Variants in ZNF692 observed in about 807,000 individuals in gnomAD.
ZNF692 encodes the protein zinc finger protein 692.
ZNF692 carries 41 observed loss-of-function variants against 49.0 expected under a neutral mutation model. That is an observed-to-expected ratio of 0.84 (90% CI 0.65 to 1.08). ZNF692 has a LOEUF of 1.08. ZNF692 is among the 50% of genes least tolerant of loss of function. ZNF692 has a pLI of 0.00. For synonymous variants in ZNF692, 288 were observed against 251.5 expected (o/e 1.15, Z -1.37); for missense variants, 662 against 662.2 (o/e 1.00, Z 0.00).
chr1:248,858,244 C>G lies in ZNF692; in HGVS notation c.66G>C (p.Ala22=). The part of the protein sequence containing the change: ...RRREKRRQLD[A]RRSKCRIRLG... ...GGCGGATGCGGCACTTGCTGCGGCG[C>G]GCGTCCAGCTGCCGCCGCTTCTCCC... is the stretch of plus-strand genomic sequence containing the variant. The change falls in exon 2 of 12, where the codon GCG becomes GCC. Residue 22 remains alanine, a synonymous_variant. Transcript: ENST00000306601. This position sits in a 1 kb window ranked among gnomAD's most constrained non-coding sequence, Gnocchi z 4.3. 6.3e-7 allele frequency: 1 copy of G among 1,586,392 alleles called. No homozygotes were observed. Among genetic ancestry groups the G allele is most frequent in the South Asian group, 1.1e-5 (1 of 89,288 alleles).
rs1477308053 is a variant in ZNF692 at position 248,856,005 on chromosome 1, G to T, written c.660-59C>A. The T allele has an allele frequency of 2.6e-6, 4 of 1,539,152 alleles. No homozygotes were observed. The East Asian group carries it at 9.3e-5, about 36-fold the overall frequency. The stretch of plus-strand genomic sequence containing the variant: ...CTTTCTGGGCAGTCAGCCATCCCCT[G>T]CCCGACCCTAGCCCCTAAACTGAAA... On this transcript the variant is annotated intron_variant, in intron 6 of 11. Coordinates refer to ENST00000306601, the MANE Select transcript of ZNF692 (RefSeq NM_017865.4).
chr1:248,853,597 A>G (rs1320913908), intron 10 of ZNF692, among the ~76,000 whole-genome samples: 1 of 152,112 alleles, frequency 6.6e-6, no homozygotes, highest in Non-Finnish European at 1.5e-5. Flanking sequence ...CTCTTTCTAC[A>G]ATAGCAACTC....
intron 2 of ZNF692, 47 bp from the exon 3 acceptor site, chr1:248,857,906 C>G (rs1159837307): frequency 1.9e-6 from 3 of 1,608,438 alleles, no homozygotes; most frequent in Non-Finnish European, 2.5e-6. Flanking sequence ...GGCCAGCCAC[C>G]CTCAGCCCTG....
rs189959177 is a variant in ZNF692 at position 248,856,017 on chromosome 1, C to G, written c.660-71G>C. The G allele has an allele frequency of 1.6e-4, 234 of 1,483,050 alleles. No homozygotes were observed. In the Middle Eastern group the frequency reaches 1.9e-3, roughly 12 times the overall value. 91.9% of individuals were successfully genotyped at this position (1,483,050 alleles called of 1,614,324 possible). ...TCAGCCATCCCCTGCCCGACCCTAG[C>G]CCCTAAACTGAAAAGATCTCAAACT... is the stretch of plus-strand genomic sequence containing the variant. On this transcript the variant is annotated intron_variant, in intron 6 of 11. Transcript: ENST00000306601.
Position 248,858,179 on chromosome 1 carries a change from C to G in ZNF692, c.131G>C (p.Arg44Pro). The G allele has an allele frequency of 6.3e-7, 1 of 1,578,086 alleles. No homozygotes were observed. Among genetic ancestry groups the G allele is most frequent in the South Asian group, 1.1e-5 (1 of 90,246 alleles). The change falls in exon 2 of 12, where the codon CGG becomes CCG. Residue 44 changes from arginine to proline, a missense_variant. Transcript: ENST00000306601. The surrounding 1 kb of genome is among the most constrained non-coding windows in gnomAD (Gnocchi z 4.3). ...HMEQWCLLKE[R>P]LGFSLHSQLA... is the part of the protein sequence containing the mutation. Reference sequence around the variant, plus strand: ...CTGCGAGTGCAGGGAGAAGCCCAGCCGCTCCTTGAGGAGGCACCACTGCTC... The same window carrying G: ...CTGCGAGTGCAGGGAGAAGCCCAGCGGCTCCTTGAGGAGGCACCACTGCTC...
rs748345424 is a variant in ZNF692 at position 248,858,153 on chromosome 1, G to A, written c.157C>T (p.Leu53Phe). Residue 53 changes from leucine (L) to phenylalanine (F), a missense_variant, in exon 2 of 12, where the codon CTC becomes TTC. Leu to Phe is a conservative substitution (Grantham distance 22, BLOSUM62 0). Coordinates refer to ENST00000306601, the MANE Select transcript of ZNF692 (RefSeq NM_017865.4). This position sits in a 1 kb window ranked among gnomAD's most constrained non-coding sequence, Gnocchi z 4.3. The part of the protein sequence containing the change: ...ERLGFSLHSQ[L>F]AKFLLDRYTS... ...AACCGGTCCAACAGGAACTTGGCGA[G>A]CTGCGAGTGCAGGGAGAAGCCCAGC... is the stretch of plus-strand genomic sequence containing the variant. The A allele has an allele frequency of 1.9e-6, 3 of 1,568,980 alleles. No homozygotes were observed. The East Asian group carries it at 6.8e-5, about 35-fold the overall frequency.
rs144605555 is a variant in ZNF692, at chr1:248,855,839, G to A, written c.767C>T (p.Pro256Leu). 147 of 1,614,088 alleles carry A rather than the reference G, an allele frequency of 9.1e-5. 1 individual carries two copies. Among genetic ancestry groups the A allele is most frequent in the African/African-American group, 7.9e-4 (59 of 74,930 alleles). ...ACTCAATGAGGATGCTGACAAGGCC[G>A]GCACAGCAAGAGGACTGGAGAGTGC... ...PAALSSPLAV[P>L]ALSASSLSSR... is the part of the protein sequence containing the mutation. Residue 256 changes from proline (P) to leucine (L), a missense_variant, in exon 7 of 12, where the codon CCG (proline) becomes CTG (leucine). Physicochemically the swap from Pro to Leu is moderately conservative, Grantham distance 98 (BLOSUM62 -3). Coordinates refer to ENST00000306601, the MANE Select transcript of ZNF692 (RefSeq NM_017865.4).
chr1:248,853,177 C>T (rs1236436995), intron 10 of ZNF692, among the ~76,000 whole-genome samples: 2 of 152,170 alleles, frequency 1.3e-5, no homozygotes, highest in African/African-American at 4.8e-5. Flanking sequence ...CACACACTGG[C>T]CTCCATCCAT....
Position 248,850,100 on chromosome 1 carries a change from C to T in ZNF692, c.*110G>A. The T allele has an allele frequency of 2.3e-6, 3 of 1,286,786 alleles. No homozygotes were observed. The highest frequency in any genetic ancestry group is 3.2e-6 in the Non-Finnish European group (3 of 949,934). 79.7% of individuals were successfully genotyped at this position (1,286,786 alleles called of 1,614,324 possible). On this transcript the variant is annotated 3_prime_UTR_variant, in exon 12 of 12. Coordinates refer to ENST00000306601, the MANE Select transcript of ZNF692 (RefSeq NM_017865.4). Reference sequence around the variant, plus strand: ...CTTGCCCCCACCCTGCACTCTGTCGCCTTAGTTCCTGGGGACCAAGCATCT... The same window carrying T: ...CTTGCCCCCACCCTGCACTCTGTCGTCTTAGTTCCTGGGGACCAAGCATCT...
Position 248,855,917 on chromosome 1 carries a change from G to T in ZNF692, c.689C>A (p.Pro230His), listed in dbSNP as rs13313088. ...TTTAGGTGTGCAGGTGACAGGGGAA[G>T]GCAGTAGTCTGGGGGCATCAGGCTC... is the stretch of plus-strand genomic sequence containing the variant. ...DSEPDAPRLL[P>H]SPVTCTPKEG... Residue 230 changes from proline to histidine, a missense_variant, in exon 7 of 12, where the codon CCT becomes CAT. Pro to His is a moderately conservative substitution (Grantham distance 77, BLOSUM62 -2). Coordinates refer to ENST00000306601, the MANE Select transcript of ZNF692 (RefSeq NM_017865.4). 1 of 1,613,956 alleles carries T rather than the reference G, an allele frequency of 6.2e-7. No individual in the cohort carries two copies. Among genetic ancestry groups the T allele is most frequent in the Non-Finnish European group, 8.5e-7 (1 of 1,180,010 alleles).
chr1:248,857,559 G>A (rs1660388446), intron 3 of ZNF692, 62 bp from the exon 4 acceptor site: 1 of 1,553,834 alleles, frequency 6.4e-7, no homozygotes, highest in Non-Finnish European at 8.7e-7. Flanking sequence ...ACCCTGGAGA[G>A]CCATACCCAG....
At position 248,857,279 on chromosome 1, in the gene ZNF692, G is replaced by T; in HGVS notation, c.430C>A (p.Arg144=). 6.2e-7 allele frequency: 1 copy of T among 1,614,030 alleles called. No individual in the cohort carries two copies. Among genetic ancestry groups the T allele is most frequent in the Non-Finnish European group, 8.5e-7 (1 of 1,179,974 alleles). The change falls in exon 4 of 12, where the codon CGG becomes AGG. Residue 144 remains arginine, a synonymous_variant. Coordinates refer to ENST00000306601, the MANE Select transcript of ZNF692 (RefSeq NM_017865.4). ...GTGGCCTCGGAACACCAACTTCTCC[G>T]AGTAGTATGTGGAAGGGAGGCTGGC... ...PKPASLPHTT[R]RSWCSEATSG...
rs1296206942 is a variant in ZNF692, at chr1:248,854,334, A to C, written c.1039-283T>G. 4 of 360,384 alleles carry C rather than the reference A, an allele frequency of 1.1e-5. 1 individual carries two copies. The Admixed American group carries it at 1.2e-4, about 11-fold the overall frequency. 22.3% of individuals were successfully genotyped at this position (360,384 alleles called of 1,614,324 possible). On this transcript the variant is annotated intron_variant, in intron 9 of 11. Transcript: ENST00000306601. ...CCTCCTTGTCACACTCTCACCCTGC[A>C]ATGTCCTGCAATGTTCCCTGTACAA...
In ZNF692 at chr1:248,857,368, C is replaced by A; in HGVS notation, c.341G>T (p.Cys114Phe). 1 of 1,614,176 alleles carries A rather than the reference C, an allele frequency of 6.2e-7. No homozygotes were observed. The highest frequency in any genetic ancestry group is 1.1e-5 in the South Asian group (1 of 91,080). Residue 114 changes from cysteine (C) to phenylalanine (F), a missense_variant, in exon 4 of 12, where the codon TGC becomes TTC. By Grantham distance (205) the Cys-to-Phe change is radical. Transcript: ENST00000306601. The stretch of plus-strand genomic sequence containing the variant: ...CCAGGAGAAGGTATGGCCTGCTGAG[C>A]ACTCCCACACAAGCCCCCCATCTTG... ...GGQDGGLVWE[C>F]SAGHTFSWGP...
chr1:248,855,852 G>T lies in ZNF692; in HGVS notation c.754C>A (p.Pro252Thr). 6.2e-7 allele frequency: 1 copy of T among 1,614,208 alleles called. No individual in the cohort carries two copies. Among genetic ancestry groups the T allele is most frequent in the Non-Finnish European group, 8.5e-7 (1 of 1,180,038 alleles). ...GCTGACAAGGCCGGCACAGCAAGAG[G>T]ACTGGAGAGTGCTGCAGGGGCTGGT... ...TPPAPAALSS[P>T]LAVPALSASS... is the part of the protein sequence containing the mutation. Residue 252 changes from proline (P) to threonine (T), a missense_variant, in exon 7 of 12, where the codon CCT becomes ACT. By Grantham distance (38) the Pro-to-Thr change is conservative. Coordinates refer to ENST00000306601, the MANE Select transcript of ZNF692 (RefSeq NM_017865.4).
chr1:248,857,838 G>A lies in ZNF692; in HGVS notation c.201C>T (p.Val67=). Residue 67 remains valine, a synonymous_variant, in exon 3 of 12, where the codon GTC becomes GTT. Coordinates refer to ENST00000306601, the MANE Select transcript of ZNF692 (RefSeq NM_017865.4). ...LLDRYTSSGC[V]LCAGPEPLPP... The stretch of plus-strand genomic sequence containing the variant: ...CCATCCCCTACCTACCTGCACAGAG[G>A]ACACAGCCTGAAGAAGTGTACCTGC... 1 of 1,613,992 alleles carries A rather than the reference G, an allele frequency of 6.2e-7. No homozygotes were observed. The highest frequency in any genetic ancestry group is 8.5e-7 in the Non-Finnish European group (1 of 1,179,936).
At chr1:248,853,532 A>C (rs1455701873) in intron 10 of ZNF692, among the ~76,000 whole-genome samples, 2 of 152,148 alleles carry the variant, frequency 1.3e-5, no homozygotes, top group Admixed American at 6.5e-5. Flanking sequence ...CGCTGTCCAT[A>C]GTCTGTAAGG....
chr1:248,855,965 G>A lies in ZNF692; in HGVS notation c.660-19C>T, dbSNP rs1360919580. ...CTCACTACTGAAAGGAGAACAAAGA[G>A]GAAGATGGCATTAACTTTCTGGGCA... On this transcript the variant is annotated intron_variant, in intron 6 of 11. Transcript: ENST00000306601. 4 of 1,610,584 alleles carry A rather than the reference G, an allele frequency of 2.5e-6. No individual in the cohort carries two copies. Among genetic ancestry groups the A allele is most frequent in the East Asian group, 4.5e-5 (2 of 44,830 alleles).
intron 10 of ZNF692, among the ~76,000 whole-genome samples, chr1:248,853,066 G>GT (rs1475586612): frequency 6.6e-6 from 1 of 152,122 alleles, no homozygotes; most frequent in Non-Finnish European, 1.5e-5. Flanking sequence ...CTTCTGCCCA[G>GT]TTGCTGAGGC....
Sources: allele counts gnomAD v4.1 joint callset (sites outside exome capture counted in the v4.1 genomes callset), GRCh38; gene constraint gnomAD v4.1.1; non-coding constraint Gnocchi (gnomAD v3.1); transcripts MANE v1.5; gene names NCBI Gene and HGNC (gene_info 2026-07-23, HGNC 2026-07-21).